The following GK2 variants were observed in gnomAD, a reference collection of about 807,000 sequenced individuals.
GK2 encodes the protein ATP:glycerol 3-phosphotransferase 2.
GK2 carries 10 observed loss-of-function variants against 9.5 expected under a neutral mutation model. The observed-to-expected ratio is 1.05, with a 90% CI of 0.65 to 1.78. The LOEUF (loss-of-function observed/expected upper bound fraction) is 1.78. GK2 is among the 40% of genes most tolerant of loss of function. The pLI is 0.00. For synonymous variants in GK2, 228 were observed against 229.9 expected, an observed-to-expected ratio of 0.99 and a Z score of 0.07; for missense variants, 643 against 669.0, an observed-to-expected ratio of 0.96 and a Z score of 0.43.
chr4:79,406,752 C>G lies in GK2; in HGVS notation c.1449G>C (p.Arg483Ser). ...GGATCTGTGGTTCAAATCGTTCCATCCTGAGAACTGACAAAGCCTGGGGTT... is the reference window on the plus strand; with the variant it reads ...GGATCTGTGGTTCAAATCGTTCCATGCTGAGAACTGACAAAGCCTGGGGTT... ...SLEPQALSVL[R>S]MERFEPQIQA... Residue 483 changes from arginine (R) to serine (S), a missense_variant, in exon 1 of 1, where the codon AGG (arginine) becomes AGC (serine). By Grantham distance (110) the Arg-to-Ser change is moderately radical. Coordinates refer to ENST00000358842, the MANE Select transcript of GK2 (RefSeq NM_033214.3). 6.2e-7 allele frequency: 1 copy of G among 1,614,194 alleles called. No individual in the cohort carries two copies. Among genetic ancestry groups the G allele is most frequent in the South Asian group, 1.1e-5 (1 of 91,082 alleles).
Position 79,407,186 on chromosome 4 carries a change from T to C in GK2, c.1015A>G (p.Ile339Val). Residue 339 changes from isoleucine (I) to valine (V), a missense_variant, in exon 1 of 1, where the codon ATA becomes GTA. By Grantham distance (29) the Ile-to-Val change is conservative. Coordinates refer to ENST00000358842, the MANE Select transcript of GK2 (RefSeq NM_033214.3). Reference sequence around the variant, plus strand: ...CTTTCAATGTCTCCTGAGGTCTCTATAATTCCAAGATTGTCTCTTAGCCAA... The same window carrying C: ...CTTTCAATGTCTCCTGAGGTCTCTACAATTCCAAGATTGTCTCTTAGCCAA... ...IRWLRDNLGI[I>V]ETSGDIERLA... 1 of 1,614,214 alleles carries C rather than the reference T, an allele frequency of 6.2e-7. No homozygotes were observed. Among genetic ancestry groups the C allele is most frequent in the East Asian group, 2.2e-5 (1 of 44,876 alleles).
At position 79,406,486 on chromosome 4, in the gene GK2, T is replaced by C. The variant is rs926383198; in HGVS notation, c.*53A>G. ...ATTATATTAAGAGGCAGAACTGCTA[T>C]ATGCTTTCATTATGTAAAATGTTTA... On this transcript the variant is annotated 3_prime_UTR_variant, in exon 1 of 1. Coordinates refer to ENST00000358842, the MANE Select transcript of GK2 (RefSeq NM_033214.3). 4 of 1,082,618 alleles carry C rather than the reference T, an allele frequency of 3.7e-6. No individual in the cohort carries two copies. Among genetic ancestry groups the C allele is most frequent in the African/African-American group, 1.6e-5 (1 of 63,326 alleles). 67.1% of individuals were successfully genotyped at this position (1,082,618 alleles called of 1,614,324 possible).
chr4:79,408,055 T>C lies in GK2; in HGVS notation c.146A>G (p.Lys49Arg), dbSNP rs1444264369. 1 of 1,614,222 alleles carries C rather than the reference T, an allele frequency of 6.2e-7. No individual in the cohort carries two copies. The highest frequency in any genetic ancestry group is 8.5e-7 in the Non-Finnish European group (1 of 1,180,028). The change falls in exon 1 of 1, where the codon AAA becomes AGA. Residue 49 changes from lysine to arginine, a missense_variant. Physicochemically the swap from Lys to Arg is conservative, Grantham distance 26. Transcript: ENST00000358842. ...AGGGTCTTGTTCCACCCATCCTTCT[T>C]TTGGGAACTCTTGTGTTAATTCCAC... ...HKVELTQEFP[K>R]EGWVEQDPKE...
rs1413171069 is a variant in GK2, at chr4:79,406,482, G to GCT, written c.*55_*56dup. 9.8e-7 allele frequency: 1 copy of GCT among 1,025,192 alleles called. No homozygotes were observed. The highest frequency in any genetic ancestry group is 1.6e-5 in the African/African-American group (1 of 62,354). The allele number at this position is 1,025,192 out of a possible 1,614,324, so 63.5% of individuals were successfully genotyped here. A position where few individuals can be genotyped will look rare whatever the true frequency, so the allele number is the denominator to read the frequency against. ...TGTCATTATATTAAGAGGCAGAACTGCTATATGCTTTCATTATGTAAAATG... is the reference window on the plus strand; with the variant it reads ...TGTCATTATATTAAGAGGCAGAACTGCTCTATATGCTTTCATTATGTAAAATG... On this transcript the variant is annotated 3_prime_UTR_variant, in exon 1 of 1. Transcript: ENST00000358842.
chr4:79,407,988 C>A lies in GK2; in HGVS notation c.213G>T (p.Thr71=), dbSNP rs777052519. 8 of 1,613,964 alleles carry A rather than the reference C, an allele frequency of 5.0e-6. No homozygotes were observed. The highest frequency in any genetic ancestry group is 6.8e-6 in the Non-Finnish European group (8 of 1,179,942). ...TATTCAGTTCGTCAAGTTTCTCACA[C>A]GTTCTCGCTATACACTCGTAGACAG... ...LQSVYECIAR[T]CEKLDELNID... The change falls in exon 1 of 1, where the codon ACG becomes ACT. Residue 71 remains threonine (T), a synonymous_variant. Coordinates refer to ENST00000358842, the MANE Select transcript of GK2 (RefSeq NM_033214.3).
Position 79,407,017 on chromosome 4 carries a change from G to A in GK2, c.1184C>T (p.Ala395Val), listed in dbSNP as rs1002875280. The change falls in exon 1 of 1, where the codon GCT (alanine) becomes GTT (valine). Residue 395 changes from alanine (A) to valine (V), a missense_variant. By Grantham distance (64) the Ala-to-Val change is moderately conservative (BLOSUM62 0). Transcript: ENST00000358842. Reference sequence around the variant, plus strand: ...TTGGAAACAAACAGCTTCTAATGCAGCAAAAGCAATATGACATTTATTGGT... The same window carrying A: ...TTGGAAACAAACAGCTTCTAATGCAACAAAAGCAATATGACATTTATTGGT... ...QFTNKCHIAF[A>V]ALEAVCFQTR... is the part of the protein sequence containing the mutation. 1 of 1,614,156 alleles carries A rather than the reference G, an allele frequency of 6.2e-7. No homozygotes were observed. Among genetic ancestry groups the A allele is most frequent in the Non-Finnish European group, 8.5e-7 (1 of 1,180,024 alleles).
In GK2 at chr4:79,407,637, T is replaced by C; in HGVS notation, c.564A>G (p.Gly188=). ...TACAATGCACGCCTCCATTAACTCCTCCTGTCAAACTCCAGATAAGCCATG... is the reference window on the plus strand; with the variant it reads ...TACAATGCACGCCTCCATTAACTCCCCCTGTCAAACTCCAGATAAGCCATG... The part of the protein sequence containing the change: ...IDSWLIWSLT[G]GVNGGVHCTD... Residue 188 remains glycine, a synonymous_variant, in exon 1 of 1, where the codon GGA becomes GGG. Coordinates refer to ENST00000358842, the MANE Select transcript of GK2 (RefSeq NM_033214.3). 1.2e-6 allele frequency: 2 copies of C among 1,614,208 alleles called. No homozygotes were observed. The highest frequency in any genetic ancestry group is 4.5e-5 in the East Asian group (2 of 44,878).
In GK2 at chr4:79,406,380, T is replaced by C; in HGVS notation, c.*159A>G. On this transcript the variant is annotated 3_prime_UTR_variant, in exon 1 of 1. Coordinates refer to ENST00000358842, the MANE Select transcript of GK2 (RefSeq NM_033214.3). ...CAGTGCTCTTCTAACGTATTTTCTTTATTTCAGGTCACAAGTCTAGGGTTT... is the reference window on the plus strand; with the variant it reads ...CAGTGCTCTTCTAACGTATTTTCTTCATTTCAGGTCACAAGTCTAGGGTTT... The C allele has an allele frequency of 1.8e-6, 1 of 548,066 alleles. No individual in the cohort carries two copies. Among genetic ancestry groups the C allele is most frequent in the African/African-American group, 1.9e-5 (1 of 52,588 alleles). The allele number at this position is 548,066 out of a possible 1,614,324, so 34.0% of individuals were successfully genotyped here. A position where few individuals can be genotyped will look rare whatever the true frequency, so the allele number is the denominator to read the frequency against.
Position 79,407,726 on chromosome 4 carries a change from C to A in GK2, c.475G>T (p.Asp159Tyr). ...FSAVKLRWML[D>Y]NVRNVQKAVE... ...GCCTTTTGGACGTTTCTCACATTGTCAAGCATCCAACGAAGTTTTACTGCA... is the reference window on the plus strand; with the variant it reads ...GCCTTTTGGACGTTTCTCACATTGTAAAGCATCCAACGAAGTTTTACTGCA... The change falls in exon 1 of 1, where the codon GAC becomes TAC. Residue 159 changes from aspartate to tyrosine, a missense_variant. By Grantham distance (160) the Asp-to-Tyr change is radical (BLOSUM62 -3). Coordinates refer to ENST00000358842, the MANE Select transcript of GK2 (RefSeq NM_033214.3). 1 of 1,614,152 alleles carries A rather than the reference C, an allele frequency of 6.2e-7. No homozygotes were observed. Among genetic ancestry groups the A allele is most frequent in the Non-Finnish European group, 8.5e-7 (1 of 1,180,012 alleles).
Position 79,406,966 on chromosome 4 carries a change from T to C in GK2, c.1235A>G (p.Asn412Ser). 1.2e-6 allele frequency: 2 copies of C among 1,614,224 alleles called. No individual in the cohort carries two copies. Among genetic ancestry groups the C allele is most frequent in the Non-Finnish European group, 1.7e-6 (2 of 1,180,032 alleles). The change falls in exon 1 of 1, where the codon AAC becomes AGC. Residue 412 changes from asparagine (N) to serine (S), a missense_variant. Asn to Ser is a conservative substitution (Grantham distance 46). Transcript: ENST00000358842. Reference protein sequence around the residue: ...FQTREILEAMNRDCGIPLRHL... With the variant: ...FQTREILEAMSRDCGIPLRHL... ...ACGAAGTGGAATTCCACAGTCACGG[T>C]TCATGGCTTCCAAAATCTCTCGGGT...
chr4:79,407,250 T>C lies in GK2; in HGVS notation c.951A>G (p.Ala317=). ...CTGCTATAGCAACAGAACCTTCCAG[T>C]GCATAATATGCTGGCTTCTCTCTGC... is the stretch of plus-strand genomic sequence containing the variant. ...KLGREKPAYY[A]LEGSVAIAGA... Residue 317 remains alanine (A), a synonymous_variant, in exon 1 of 1, where the codon GCA becomes GCG. Transcript: ENST00000358842. 1 of 1,614,196 alleles carries C rather than the reference T, an allele frequency of 6.2e-7. No homozygotes were observed. Among genetic ancestry groups the C allele is most frequent in the Non-Finnish European group, 8.5e-7 (1 of 1,180,014 alleles).
Position 79,407,956 on chromosome 4 carries a change from A to C in GK2, c.245T>G (p.Ile82Arg). The C allele has an allele frequency of 6.2e-7, 1 of 1,614,030 alleles. No individual in the cohort carries two copies. Among genetic ancestry groups the C allele is most frequent in the Non-Finnish European group, 8.5e-7 (1 of 1,179,864 alleles). ...CEKLDELNID[I>R]SNIKAVGVSN... The stretch of plus-strand genomic sequence containing the variant: ...GACACCAACAGCTTTTATGTTGGAT[A>C]TATCAATATTCAGTTCGTCAAGTTT... Residue 82 changes from isoleucine (I) to arginine (R), a missense_variant, in exon 1 of 1, where the codon ATA becomes AGA. Coordinates refer to ENST00000358842, the MANE Select transcript of GK2 (RefSeq NM_033214.3).
In GK2 at chr4:79,408,213, TC is replaced by T. The variant is rs768335829; in HGVS notation, c.-14del. 5.1e-6 allele frequency: 8 copies of T among 1,563,622 alleles called. No homozygotes were observed. Among genetic ancestry groups the T allele is most frequent in the Admixed American group, 1.8e-5 (1 of 55,098 alleles). On this transcript the variant is annotated 5_prime_UTR_variant, in exon 1 of 1. Coordinates refer to ENST00000358842, the MANE Select transcript of GK2 (RefSeq NM_033214.3). The stretch of plus-strand genomic sequence containing the variant: ...TTGGGGCTGCCATGACACCAGTAGG[TC>T]GGCTCAGCAGCTCTGGGACCGTTTC...
At position 79,407,824 on chromosome 4, in the gene GK2, A is replaced by C. The variant is rs1725890181; in HGVS notation, c.377T>G (p.Leu126Arg). ...DLRTQTTVEDLSKKIPGNSNF... is the reference protein window; with the variant it reads ...DLRTQTTVEDRSKKIPGNSNF... ...ACTATTTCCTGGAATTTTTTTACTA[A>C]GATCCTCAACAGTAGTCTGGGTTCT... Residue 126 changes from leucine to arginine, a missense_variant, in exon 1 of 1, where the codon CTT (leucine) becomes CGT (arginine). Coordinates refer to ENST00000358842, the MANE Select transcript of GK2 (RefSeq NM_033214.3). 1 of 1,614,024 alleles carries C rather than the reference A, an allele frequency of 6.2e-7. No individual in the cohort carries two copies. Among genetic ancestry groups the C allele is most frequent in the African/African-American group, 1.3e-5 (1 of 74,904 alleles).
rs770390846 is a variant in GK2 at position 79,406,727 on chromosome 4, G to A, written c.1474C>T (p.Gln492Ter). 72 of 1,614,180 alleles carry A rather than the reference G, an allele frequency of 4.5e-5. 3 individuals are homozygous for A. The South Asian group carries it at 7.9e-4, about 18-fold the overall frequency. The change falls in exon 1 of 1, where the codon CAG becomes TAG. Residue 492 changes from glutamine (Q) to a stop codon, truncating the protein, a stop_gained. Coordinates refer to ENST00000358842, the MANE Select transcript of GK2 (RefSeq NM_033214.3). LOFTEE classifies it low-confidence loss of function (END_TRUNC). ...LRMERFEPQI[Q>*]ATESEIRYAT... ...TAACGAATTTCACTTTCTGTGGCCT[G>A]GATCTGTGGTTCAAATCGTTCCATC...
In GK2 at chr4:79,408,170, GC is replaced by G; in HGVS notation, c.30del (p.Pro11ArgfsTer33). 1 of 1,606,178 alleles carries G rather than the reference GC, an allele frequency of 6.2e-7. No individual in the cohort carries two copies. Among genetic ancestry groups the G allele is most frequent in the Non-Finnish European group, 8.5e-7 (1 of 1,175,980 alleles). On this transcript the variant is annotated frameshift_variant, in exon 1 of 1. Transcript: ENST00000358842. LOFTEE classifies it low-confidence loss of function (END_TRUNC). ...CCCTGGACCACCGCTCCCACCAACGGCCCCACAGCTGCTGTCTTTGGGGCTG... is the reference window on the plus strand; with the variant it reads ...CCCTGGACCACCGCTCCCACCAACGGCCCACAGCTGCTGTCTTTGGGGCTG... MAAPKTAAV[G>X]PLVGAVVQGT...
Position 79,406,426 on chromosome 4 carries a change from G to T in GK2, c.*113C>A. The T allele has an allele frequency of 1.5e-6, 1 of 654,474 alleles. No individual in the cohort carries two copies. The highest frequency in any genetic ancestry group is 2.6e-6 in the Non-Finnish European group (1 of 378,018). 40.5% of individuals were successfully genotyped at this position (654,474 alleles called of 1,614,324 possible). ...GGTTTTCATGGGTCATGTAGCAAGTGGTTTATAAACAAAATCAGAGTCTAT... is the reference window on the plus strand; with the variant it reads ...GGTTTTCATGGGTCATGTAGCAAGTTGTTTATAAACAAAATCAGAGTCTAT... On this transcript the variant is annotated 3_prime_UTR_variant, in exon 1 of 1. Transcript: ENST00000358842.
chr4:79,406,889 G>T lies in GK2; in HGVS notation c.1312C>A (p.Gln438Lys), dbSNP rs1242043659. Residue 438 changes from glutamine to lysine, a missense_variant, in exon 1 of 1, where the codon CAA (glutamine) becomes AAA (lysine). Transcript: ENST00000358842. ...MTNNKVLMQL[Q>K]ADILHIPVIK... ...ACTGGAATATGAAGAATATCTGCTT[G>T]TAGCTGCATAAGAACTTTGTTGTTG... 7 of 1,614,164 alleles carry T rather than the reference G, an allele frequency of 4.3e-6. No homozygotes were observed. Among genetic ancestry groups the T allele is most frequent in the Non-Finnish European group, 5.9e-6 (7 of 1,179,970 alleles).
At position 79,407,251 on chromosome 4, in the gene GK2, G is replaced by A; in HGVS notation, c.950C>T (p.Ala317Val). 6.2e-7 allele frequency: 1 copy of A among 1,614,126 alleles called. No homozygotes were observed. Among genetic ancestry groups the A allele is most frequent in the Non-Finnish European group, 8.5e-7 (1 of 1,179,992 alleles). Residue 317 changes from alanine (A) to valine (V), a missense_variant, in exon 1 of 1, where the codon GCA becomes GTA. Coordinates refer to ENST00000358842, the MANE Select transcript of GK2 (RefSeq NM_033214.3). ...TGCTATAGCAACAGAACCTTCCAGT[G>A]CATAATATGCTGGCTTCTCTCTGCC... The part of the protein sequence containing the change: ...KLGREKPAYY[A>V]LEGSVAIAGA...
Sources: gnomAD v4.1 joint callset for allele counts on GRCh38, gnomAD v4.1.1 for gene constraint, MANE v1.5 for transcripts, NCBI Gene and HGNC (gene_info 2026-07-23, HGNC 2026-07-21) for gene names.